Variants in ZNF674 observed in about 807,000 individuals in gnomAD.
The protein encoded by ZNF674 is zinc finger family member 674.
A neutral mutation model predicts 7.0 loss-of-function variants in ZNF674; 2 were observed. The observed-to-expected ratio is 0.29, with a 90% CI of 0.12 to 0.90. The LOEUF (loss-of-function observed/expected upper bound fraction) is 0.90. Among genes scored for constraint, ZNF674 ranks in the 40% least tolerant of loss-of-function variants. The pLI, the probability that ZNF674 is intolerant of heterozygous loss-of-function variation, is 0.57. For synonymous variants in ZNF674, 103 were observed against 145.2 expected, an observed-to-expected ratio of 0.71 and a Z score of 2.09; for missense variants, 297 against 415.5, an observed-to-expected ratio of 0.71 and a Z score of 2.48.
chrX:46,531,718 CAAT>C (rs1441210684), intron 3 of ZNF674, among the ~76,000 whole-genome samples: 1 of 111,055 alleles, frequency 9.0e-6, no homozygotes, highest in Non-Finnish European at 1.9e-5. Flanking sequence ...CTAAATATGA[CAAT>C]GATGATGAAA....
chrX:46,505,737 C>T (rs1476837936), intron 5 of ZNF674, among the ~76,000 whole-genome samples: 1 of 109,834 alleles, frequency 9.1e-6, no homozygotes, highest in African/African-American at 3.3e-5. Context: ...TGCCATTGCA[C>T]TCTAGCCTGG....
chrX:46,540,336 G>A (rs942262175), intron 3 of ZNF674, among the ~76,000 whole-genome samples: 13 of 111,820 alleles, frequency 1.2e-4, no homozygotes, highest in African/African-American at 3.9e-4. Context: ...TCTTGAGGAT[G>A]GGAGAATTAT....
At chrX:46,517,949 CA>C (rs1941799439) in intron 5 of ZNF674, 1 of 109,163 alleles carries the variant, frequency 9.2e-6, no homozygotes, top group Non-Finnish European at 1.9e-5. Context: ...ATGCCTGTAT[CA>C]AAATATCTGA....
chrX:46,539,615 A>G (rs1942256812), intron 3 of ZNF674, among the ~76,000 whole-genome samples: 1 of 112,788 alleles, frequency 8.9e-6, no homozygotes, highest in South Asian at 3.6e-4. Context: ...ACTGGTTTTA[A>G]ACATTGGATA....
chrX:46,504,313 C>G (rs1011546972), intron 5 of ZNF674, among the ~76,000 whole-genome samples: 5 of 110,612 alleles, frequency 4.5e-5, no homozygotes, highest in Non-Finnish European at 9.5e-5. Context: ...TAATACTGAA[C>G]ACAGAAAGCA....
intron 5 of ZNF674, among the ~76,000 whole-genome samples, chrX:46,514,420 G>C (rs1941723677): frequency 9.0e-6 from 1 of 111,534 alleles, no homozygotes; most frequent in African/African-American, 3.3e-5. Flanking sequence ...GCCAGATGTG[G>C]ACCCTCTGGA....
At chrX:46,526,705 T>C (rs1305380411) in intron 5 of ZNF674, among the ~76,000 whole-genome samples, 1 of 111,685 alleles carries the variant, frequency 9.0e-6, no homozygotes, top group African/African-American at 3.3e-5. Flanking sequence ...CCTCACCTCA[T>C]GTCAGATTTA....
rs373241005 is a variant in ZNF674 at position 46,512,023 on chromosome X, C to CAA, written c.239-10690_239-10689dup. ...GGGCAACAAGAGTGAAACTCCATCT[C>CAA]AAAAAAAAAAAAAAAGGGTGCTTGC... On this transcript the variant is annotated intron_variant, in intron 5 of 5. Coordinates refer to ENST00000683375, the MANE Select transcript of ZNF674 (RefSeq NM_001190417.2). 4.3e-3 allele frequency among the ~76,000 whole-genome samples: 253 copies of CAA among 59,076 alleles called. 3 individuals carry two copies. Among genetic ancestry groups the CAA allele is most frequent in the African/African-American group, 0.016 (243 of 15,411 alleles). The allele number at this position is 59,076 out of a possible 115,157, so 51.3% of individuals were successfully genotyped here.
At chrX:46,534,332 C>A (rs918853355) in intron 3 of ZNF674, among the ~76,000 whole-genome samples, 1 of 111,162 alleles carries the variant, frequency 9.0e-6, no homozygotes, top group African/African-American at 3.3e-5. Context: ...CCATCTCACT[C>A]TGAACCCTCA....
intron 3 of ZNF674, among the ~76,000 whole-genome samples, chrX:46,535,682 A>C (rs1942187884): frequency 8.9e-6 from 1 of 112,192 alleles, no homozygotes; most frequent in Admixed American, 9.5e-5. Flanking sequence ...TGTAGAAAAA[A>C]CACCAAAGAA....
chrX:46,527,131 G>T (rs759235640), intron 5 of ZNF674, among the ~76,000 whole-genome samples: 1 of 110,380 alleles, frequency 9.1e-6, no homozygotes, highest in East Asian at 2.8e-4. Context: ...GGGCATGGTG[G>T]CGGGTGCCTG....
At chrX:46,519,259 TAGATAAA>T (rs1941847343) in intron 5 of ZNF674, among the ~76,000 whole-genome samples, 3 of 73,552 alleles carry the variant, frequency 4.1e-5, no homozygotes, top group Non-Finnish European at 7.7e-5. Flanking sequence ...GATAGATAGA[TAGATAAA>T]GATAGATGAT....
At chrX:46,542,485 G>T (rs1330403435) in intron 2 of ZNF674, among the ~76,000 whole-genome samples, 1 of 111,764 alleles carries the variant, frequency 8.9e-6, no homozygotes, top group East Asian at 2.8e-4. Context: ...GCTGAAGGAG[G>T]ATTGATTGAG....
intron 5 of ZNF674, among the ~76,000 whole-genome samples, chrX:46,504,078 A>G (rs1380417438): frequency 1.8e-5 from 2 of 110,995 alleles, no homozygotes; most frequent in Non-Finnish European, 3.8e-5. Context: ...GCACACATAT[A>G]CACACATACA....
At chrX:46,523,569 T>G (rs1348987835) in intron 5 of ZNF674, 1 of 109,883 alleles carries the variant, frequency 9.1e-6, no homozygotes, top group Non-Finnish European at 1.9e-5. Flanking sequence ...GACCTCGAGA[T>G]CCGTCTGCCT....
intron 5 of ZNF674, among the ~76,000 whole-genome samples, chrX:46,507,662 G>C (rs1941566557): frequency 9.0e-6 from 1 of 111,570 alleles, no homozygotes; most frequent in South Asian, 3.7e-4. Flanking sequence ...GTAAAAAATA[G>C]TACTGATGGA....
chrX:46,505,252 AAG>A (rs1331349987), intron 5 of ZNF674, among the ~76,000 whole-genome samples: 2 of 112,121 alleles, frequency 1.8e-5, no homozygotes, highest in African/African-American at 6.5e-5. Flanking sequence ...AAGGAAGTAC[AAG>A]AGTGTTTGTT....
chrX:46,543,771 C>A (rs1376318601), intron 2 of ZNF674, among the ~76,000 whole-genome samples: 1 of 112,726 alleles, frequency 8.9e-6, no homozygotes, highest in Non-Finnish European at 1.9e-5. Flanking sequence ...ATCAGGACAA[C>A]AGGGTTCAGC....
intron 5 of ZNF674, among the ~76,000 whole-genome samples, chrX:46,511,320 C>A (rs1462832463): frequency 1.8e-5 from 2 of 111,808 alleles, no homozygotes; most frequent in African/African-American, 6.5e-5. Flanking sequence ...GATTTCTGTA[C>A]ACATGATTTT....
Sources: allele counts gnomAD v4.1 joint callset (sites outside exome capture counted in the v4.1 genomes callset), GRCh38; gene constraint gnomAD v4.1.1; transcripts MANE v1.5; gene names NCBI Gene and HGNC (gene_info 2026-07-23, HGNC 2026-07-21).